Variants in SUFU observed in about 807,000 individuals in gnomAD.
SUFU encodes the protein SUFU negative regulator of hedgehog signaling, also known as suppressor of fused homolog.
Under a neutral mutation model 58.9 loss-of-function variants are expected in SUFU, and 7 were observed. The observed-to-expected ratio is 0.12, with a 90% CI of 0.07 to 0.22. The LOEUF is 0.22. Ranked by LOEUF, SUFU falls within the 10% of genes least tolerant of loss-of-function variation. The pLI, the probability that SUFU is intolerant of heterozygous loss-of-function variation, is 1.00. For missense variants in SUFU, 451 were observed against 641.3 expected, an observed-to-expected ratio of 0.70 and a Z score of 3.20; for synonymous variants, 232 against 254.8, an observed-to-expected ratio of 0.91 and a Z score of 0.85.
chr10:102,603,782 G>A (rs911066252), intron 8 of SUFU, among the ~76,000 whole-genome samples: 1 of 152,144 alleles, frequency 6.6e-6, no homozygotes, highest in African/African-American at 2.4e-5. Flanking sequence ...GCACTTGTCT[G>A]TTTGGCCTTT....
intron 5 of SUFU, 41 bp downstream of exon 5, chr10:102,593,762 T>G (rs80349446): frequency 6.3e-7 from 1 of 1,599,508 alleles, no homozygotes; most frequent in Non-Finnish European, 8.6e-7. Flanking sequence ...TCCCTGGGCC[T>G]GGGGGTGGGA....
chr10:102,510,398 C>T (rs1459517966), intron 2 of SUFU, among the ~76,000 whole-genome samples: 14 of 151,230 alleles, frequency 9.3e-5, no homozygotes, highest in Admixed American at 2.0e-4. Flanking sequence ...TTAGTAGAGA[C>T]GGGGTTTCAC....
In SUFU at chr10:102,617,524, C is replaced by T. The variant is rs778289374; in HGVS notation, c.1296+96C>T. 1.9e-6 allele frequency: 3 copies of T among 1,556,294 alleles called. No homozygotes were observed. In the African/African-American group the frequency reaches 4.1e-5, roughly 21 times the overall value. ...TGGCAGCTCTTGATGGCACCCCTTC[C>T]TGGGGGGCTGGTCATGAATGCCTCA... is the stretch of plus-strand genomic sequence containing the variant. On this transcript the variant is annotated intron_variant, in intron 10 of 11. Coordinates refer to ENST00000369902, the MANE Select transcript of SUFU (RefSeq NM_016169.4). This position sits in a 1 kb window ranked among gnomAD's most constrained non-coding sequence, Gnocchi z 4.4.
intron 2 of SUFU, among the ~76,000 whole-genome samples, chr10:102,539,586 C>G (rs552189495): frequency 6.6e-6 from 1 of 152,204 alleles, no homozygotes; most frequent in East Asian, 1.9e-4. Flanking sequence ...TTTTACCACC[C>G]GTTGATGATT....
intron 8 of SUFU, among the ~76,000 whole-genome samples, chr10:102,611,965 CAG>C (rs1298490528): frequency 6.6e-6 from 1 of 152,208 alleles, no homozygotes; most frequent in Non-Finnish European, 1.5e-5. Context: ...ACTGGGAACT[CAG>C]GGAGAAAACA....
In SUFU at chr10:102,619,353, C is replaced by G; in HGVS notation, c.1296+1925C>G. 1 of 1,420,020 alleles carries G rather than the reference C, an allele frequency of 7.0e-7. No individual in the cohort carries two copies. The highest frequency in any genetic ancestry group is 9.2e-7 in the Non-Finnish European group (1 of 1,089,452). The allele number at this position is 1,420,020 out of a possible 1,614,324, so 88.0% of individuals were successfully genotyped here. A position where few individuals can be genotyped will look rare whatever the true frequency, so the allele number is the denominator to read the frequency against. Reference sequence around the variant, plus strand: ...TGAGGCCCAGCACCCGCTGGCTCCCCAGCACATGGTCCCCTCCCATGGGCT... The same window carrying G: ...TGAGGCCCAGCACCCGCTGGCTCCCGAGCACATGGTCCCCTCCCATGGGCT... On this transcript the variant is annotated intron_variant, in intron 10 of 11. Transcript: ENST00000369902. The surrounding 1 kb of genome is among the most constrained non-coding windows in gnomAD (Gnocchi z 4.2).
chr10:102,515,086 C>T (rs184788842), intron 2 of SUFU, among the ~76,000 whole-genome samples: 26 of 152,316 alleles, frequency 1.7e-4, no homozygotes, highest in Admixed American at 3.3e-4. Context: ...TCTGCACCCC[C>T]CGTGGGGTCT....
intron 3 of SUFU, among the ~76,000 whole-genome samples, chr10:102,570,771 G>A (rs566803638): frequency 2.6e-5 from 4 of 152,094 alleles, no homozygotes; most frequent in African/African-American, 9.7e-5. Context: ...AATTAGAATC[G>A]TGGCTCCTCG....
intron 3 of SUFU, among the ~76,000 whole-genome samples, chr10:102,588,824 A>C (rs559421707): frequency 1.2e-4 from 19 of 152,280 alleles, no homozygotes; most frequent in Admixed American, 7.8e-4. Context: ...TCAGAGTATA[A>C]GTTTTCATTT....
intron 3 of SUFU, among the ~76,000 whole-genome samples, chr10:102,581,635 A>G (rs1317421125): frequency 1.3e-5 from 2 of 152,200 alleles, no homozygotes; most frequent in Non-Finnish European, 2.9e-5. Flanking sequence ...GGCAGTTGCC[A>G]GTCTCCCCAC....
chr10:102,589,231 GT>G (rs2063367888), intron 3 of SUFU, among the ~76,000 whole-genome samples: 1 of 151,544 alleles, frequency 6.6e-6, no homozygotes, highest in African/African-American at 2.4e-5. Context: ...CATGGCCTTA[GT>G]TTTGTTTTTG....
intron 3 of SUFU, among the ~76,000 whole-genome samples, chr10:102,557,045 C>T (rs1008073330): frequency 1.3e-5 from 2 of 151,614 alleles, no homozygotes; most frequent in African/African-American, 4.9e-5. Flanking sequence ...TGCACTACTG[C>T]ACTCCAGTCT....
intron 10 of SUFU, chr10:102,618,933 TGTG>T: frequency 1.9e-5 from 3 of 156,376 alleles, no homozygotes; most frequent in Non-Finnish European, 4.6e-5. Context: ...TCAGGTAGCG[TGTG>T]TGTGTGTGTG....
At chr10:102,607,471 A>T (rs1440610628) in intron 8 of SUFU, among the ~76,000 whole-genome samples, 1 of 152,234 alleles carries the variant, frequency 6.6e-6, no homozygotes, top group East Asian at 1.9e-4. Context: ...ACATGGCTCA[A>T]CTGTAAACAG....
At chr10:102,508,215 C>A (rs893844935) in intron 1 of SUFU, among the ~76,000 whole-genome samples, 1 of 152,074 alleles carries the variant, frequency 6.6e-6, no homozygotes, top group Non-Finnish European at 1.5e-5. Context: ...CTCAAGTAAT[C>A]CACCCACTTC....
At chr10:102,605,125 G>A (rs962775968) in intron 8 of SUFU, among the ~76,000 whole-genome samples, 2 of 151,824 alleles carry the variant, frequency 1.3e-5, no homozygotes, top group East Asian at 2.0e-4. Flanking sequence ...CACCATGTTG[G>A]TCAGGCTGGT....
At chr10:102,562,960 G>A (rs542062329) in intron 3 of SUFU, among the ~76,000 whole-genome samples, 9 of 152,310 alleles carry the variant, frequency 5.9e-5, no homozygotes, top group East Asian at 5.8e-4. Flanking sequence ...TAACCTGTGC[G>A]GTGGGTAGCG....
chr10:102,580,029 A>ACCT (rs2063257920), intron 3 of SUFU, among the ~76,000 whole-genome samples: 3 of 84,664 alleles, frequency 3.5e-5, no homozygotes, highest in African/African-American at 8.6e-5. Context: ...CCTCCCCCGC[A>ACCT]CCCCCCCCCC....
At chr10:102,542,856 C>T (rs1435479409) in intron 2 of SUFU, among the ~76,000 whole-genome samples, 1 of 152,234 alleles carries the variant, frequency 6.6e-6, no homozygotes, top group East Asian at 1.9e-4. Context: ...AATTCCTGGG[C>T]TCAAGCAATC....
Sources: allele counts gnomAD v4.1 joint callset (sites outside exome capture counted in the v4.1 genomes callset), GRCh38; gene constraint gnomAD v4.1.1; non-coding constraint Gnocchi (gnomAD v3.1); transcripts MANE v1.5; gene names NCBI Gene and HGNC (gene_info 2026-07-23, HGNC 2026-07-21).